Variants in SCN3B observed in about 807,000 individuals in gnomAD.
The protein encoded by SCN3B is sodium channel regulatory subunit beta-3.
In SCN3B, 11 loss-of-function variants were observed where a neutral mutation model predicts 25.4. That is an observed-to-expected ratio of 0.43 (90% CI 0.27 to 0.72). The LOEUF (loss-of-function observed/expected upper bound fraction) is 0.72. SCN3B is among the 30% of genes least tolerant of loss of function. The pLI is 0.18. For missense variants in SCN3B, 218 were observed against 278.3 expected (o/e 0.78, Z 1.54); for synonymous variants, 109 against 110.7 (o/e 0.99, Z 0.09).
At position 123,654,515 on chromosome 11, in the gene SCN3B, G is replaced by C. The variant is rs979907045; in HGVS notation, c.-315C>G. Reference sequence around the variant, plus strand: ...AGGCGGAGCCCCTTCCCGGGAGCTCGCCCCCGGATGGTGCGGGGCCCCGAC... The same window carrying C: ...AGGCGGAGCCCCTTCCCGGGAGCTCCCCCCCGGATGGTGCGGGGCCCCGAC... On this transcript the variant is annotated 5_prime_UTR_variant, in exon 1 of 7. Coordinates refer to ENST00000299333, the MANE Select transcript of SCN3B (RefSeq NM_001040151.2). The C allele has an allele frequency of 2.0e-5, 3 of 153,238 alleles. No homozygotes were observed. The highest frequency in any genetic ancestry group is 7.2e-5 in the African/African-American group (3 of 41,454). The allele number at this position is 153,238 out of a possible 1,614,324, so 9.5% of individuals were successfully genotyped here. A position where few individuals can be genotyped will look rare whatever the true frequency, so the allele number is the denominator to read the frequency against.
At chr11:123,650,350 C>T (rs1432804772) in intron 2 of SCN3B, among the ~76,000 whole-genome samples, 1 of 152,138 alleles carries the variant, frequency 6.6e-6, no homozygotes, top group African/African-American at 2.4e-5. Context: ...CTCTAGAATG[C>T]TTTCCTTTGC....
At chr11:123,651,075 AATT>A (rs894418166) in intron 2 of SCN3B, among the ~76,000 whole-genome samples, 1 of 151,546 alleles carries the variant, frequency 6.6e-6, no homozygotes, top group South Asian at 2.1e-4. Context: ...TTTTTAATAC[AATT>A]ATTATTATTT....
Position 123,649,637 on chromosome 11 carries a change from C to CTT in SCN3B, c.56-3889_56-3888dup, listed in dbSNP as rs35009568. Among the ~76,000 whole-genome samples the CTT allele has an allele frequency of 1.6e-3, 241 of 148,930 alleles. 1 individual carries two copies. The highest frequency in any genetic ancestry group is 6.8e-3 in the Middle Eastern group (2 of 292). ...TCTTTTCTTTCTTTTTTCTTTCTTT[C>CTT]TTTTTTTTCTTTCTTTCTCTTTCTT... On this transcript the variant is annotated intron_variant, in intron 2 of 6. Coordinates refer to ENST00000299333, the MANE Select transcript of SCN3B (RefSeq NM_001040151.2).
Position 123,645,681 on chromosome 11 carries a change from T to G in SCN3B, c.125A>C (p.Lys42Thr). 6.2e-7 allele frequency: 1 copy of G among 1,614,104 alleles called. No homozygotes were observed. Among genetic ancestry groups the G allele is most frequent in the Non-Finnish European group, 8.5e-7 (1 of 1,180,018 alleles). Residue 42 changes from lysine to threonine, a missense_variant, in exon 3 of 7, where the codon AAG (lysine) becomes ACG (threonine). Coordinates refer to ENST00000299333, the MANE Select transcript of SCN3B (RefSeq NM_001040151.2). ...CTTCATGCAGGAGATGCAGCGCAGC[T>G]TCATGGGGTTGCCCTGCACGGCCTC... is the stretch of plus-strand genomic sequence containing the variant. ...ETEAVQGNPM[K>T]LRCISCMKRE...
intron 2 of SCN3B, among the ~76,000 whole-genome samples, chr11:123,646,631 A>T (rs1955856488): frequency 1.3e-5 from 2 of 152,232 alleles, no homozygotes; most frequent in Admixed American, 1.3e-4. Context: ...TGCATGCCAC[A>T]CAGAGGTCTA....
chr11:123,644,708 T>C (rs1321364683), intron 3 of SCN3B, among the ~76,000 whole-genome samples: 5 of 141,292 alleles, frequency 3.5e-5, no homozygotes, highest in Admixed American at 2.2e-4. Flanking sequence ...GAGGTGGAGG[T>C]TACAGTAAGC....
chr11:123,644,800 A>AGAGAGAGAGAGAGAGAAAAT (rs1272015067), intron 3 of SCN3B, among the ~76,000 whole-genome samples: 1 of 45,578 alleles, frequency 2.2e-5, no homozygotes, highest in African/African-American at 7.8e-5. Flanking sequence ...AGAGAGAGAG[A>AGAGAGAGAGAGAGAGAAAAT]ATATATATAT....
chr11:123,629,327 G>A lies in SCN3B; in HGVS notation c.*4472C>T, dbSNP rs1229986144. On this transcript the variant is annotated 3_prime_UTR_variant, in exon 7 of 7. Coordinates refer to ENST00000299333, the MANE Select transcript of SCN3B (RefSeq NM_001040151.2). ...GTGTTCGATGGCAGTTCACAAGCCT[G>A]CAAGCACTCGGCCTTCAGCGGCCTC... 6.6e-6 allele frequency: 1 copy of A among 152,246 alleles called. No homozygotes were observed. Among genetic ancestry groups the A allele is most frequent in the African/African-American group, 2.4e-5 (1 of 41,460 alleles). 9.4% of individuals were successfully genotyped at this position (152,246 alleles called of 1,614,324 possible).
intron 4 of SCN3B, chr11:123,639,970 C>T (rs1015399480): frequency 1.3e-5 from 2 of 152,202 alleles, no homozygotes; most frequent in Non-Finnish European, 2.9e-5. Flanking sequence ...CTCCCCTTGC[C>T]AGCTCTCAAC....
chr11:123,653,882 A>C, intron 1 of SCN3B, 56 bp from the exon 2 acceptor site: 1 of 1,537,532 alleles, frequency 6.5e-7, no homozygotes, highest in Non-Finnish European at 9.0e-7. Flanking sequence ...TCTTTCGAGG[A>C]AACCCTTTGG....
Position 123,642,651 on chromosome 11 carries a change from G to T in SCN3B, c.240C>A (p.Gly80=). The T allele has an allele frequency of 6.2e-7, 1 of 1,614,016 alleles. No homozygotes were observed. The highest frequency in any genetic ancestry group is 8.5e-7 in the Non-Finnish European group (1 of 1,179,946). The change falls in exon 4 of 7, where the codon GGC becomes GGA. Residue 80 remains glycine, a synonymous_variant. Transcript: ENST00000299333. This position sits in a 1 kb window ranked among gnomAD's most constrained non-coding sequence, Gnocchi z 4.3. ...KDFLIYEYRN[G]HQEVESPFQG... ...GAAAGGGGCTCTCCACCTCCTGGTG[G>T]CCATTCCGATACTCGTAAATCTGCA...
chr11:123,647,824 T>G (rs540598616), intron 2 of SCN3B, among the ~76,000 whole-genome samples: 1 of 152,226 alleles, frequency 6.6e-6, no homozygotes, highest in African/African-American at 2.4e-5. Context: ...AGAATTAACT[T>G]AAAGTTGTAA....
chr11:123,634,682 T>C (rs1044784392), intron 5 of SCN3B, among the ~76,000 whole-genome samples: 20 of 152,288 alleles, frequency 1.3e-4, no homozygotes, highest in African/African-American at 4.8e-4. Flanking sequence ...GTCGAGGCCA[T>C]GATTGCACCA....
chr11:123,652,043 TC>T (rs889556127), intron 2 of SCN3B, among the ~76,000 whole-genome samples: 4 of 152,280 alleles, frequency 2.6e-5, no homozygotes, highest in Non-Finnish European at 4.4e-5. Context: ...GTTAAAAGAT[TC>T]TTGGATGATA....
intron 2 of SCN3B, among the ~76,000 whole-genome samples, chr11:123,646,685 T>A (rs182128983): frequency 6.6e-6 from 1 of 152,154 alleles, no homozygotes; most frequent in African/African-American, 2.4e-5. Context: ...GTCTGTTTTT[T>A]AAAAGGAGGC....
chr11:123,646,159 C>G (rs1291907399), intron 2 of SCN3B, among the ~76,000 whole-genome samples: 3 of 152,202 alleles, frequency 2.0e-5, no homozygotes, highest in African/African-American at 7.2e-5. Flanking sequence ...TGATGCTAGA[C>G]TAGAGATGCA....
chr11:123,649,652 TTCTC>T (rs1565498264), intron 2 of SCN3B, among the ~76,000 whole-genome samples: 4 of 150,782 alleles, frequency 2.7e-5, no homozygotes, highest in Non-Finnish European at 5.9e-5. Context: ...TTTTCTTTCT[TTCTC>T]TTTCTTTCTT....
Position 123,642,337 on chromosome 11 carries a change from A to T in SCN3B, c.445+109T>A. On this transcript the variant is annotated intron_variant, in intron 4 of 6. Coordinates refer to ENST00000299333, the MANE Select transcript of SCN3B (RefSeq NM_001040151.2). The surrounding 1 kb of genome is among the most constrained non-coding windows in gnomAD (Gnocchi z 4.3). ...ATTTTTAGATGTCACCATTCCAAAT[A>T]CATGGGTTTTTGCACTCTTTAAGGG... is the stretch of plus-strand genomic sequence containing the variant. The T allele has an allele frequency of 9.8e-7, 1 of 1,025,464 alleles. No individual in the cohort carries two copies. The allele number at this position is 1,025,464 out of a possible 1,614,324, so 63.5% of individuals were successfully genotyped here. A position where few individuals can be genotyped will look rare whatever the true frequency, so the allele number is the denominator to read the frequency against.
At chr11:123,643,912 A>C (rs1042541542) in intron 3 of SCN3B, among the ~76,000 whole-genome samples, 1 of 152,274 alleles carries the variant, frequency 6.6e-6, no homozygotes, top group Non-Finnish European at 1.5e-5. Context: ...TCCCAGTCTT[A>C]GTACCAGACG....
Sources: gnomAD v4.1 joint callset for allele counts (sites outside exome capture counted in the v4.1 genomes callset) on GRCh38, gnomAD v4.1.1 for gene constraint, Gnocchi (gnomAD v3.1) non-coding constraint, MANE v1.5 for transcripts, NCBI Gene and HGNC (gene_info 2026-07-23, HGNC 2026-07-21) for gene names.